MARCHF7: variants seen among roughly 807,000 people sequenced by gnomAD.
MARCHF7 encodes the protein E3 ubiquitin-protein ligase MARCHF7.
Under a neutral mutation model 76.5 loss-of-function variants are expected in MARCHF7, and 20 were observed. The observed-to-expected ratio is 0.26, with a 90% confidence interval of 0.18 to 0.38. MARCHF7 has a LOEUF of 0.38. Among genes scored for constraint, MARCHF7 ranks in the 10% least tolerant of loss-of-function variants. The probability of loss-of-function intolerance (pLI) is 1.00; values close to 1 mark genes in which losing one functional copy is unlikely to be tolerated. For missense variants in MARCHF7, 797 were observed against 812.9 expected (o/e 0.98, Z 0.24); for synonymous variants, 295 against 293.0 (o/e 1.01, Z -0.07).
intron 8 of MARCHF7, among the ~76,000 whole-genome samples, chr2:159,753,454 C>T (rs888007587): frequency 6.6e-6 from 1 of 151,788 alleles, no homozygotes. Context: ...GCCTGTAGTC[C>T]CAGCTAGAAT....
chr2:159,745,771 T>A lies in MARCHF7; in HGVS notation c.348T>A (p.Asp116Glu). The A allele has an allele frequency of 6.3e-7, 1 of 1,589,960 alleles. No individual in the cohort carries two copies. The highest frequency in any genetic ancestry group is 8.5e-7 in the Non-Finnish European group (1 of 1,171,490). ...NVGNGLNTLSDSSWRHSQVPR... is the reference protein window; with the variant it reads ...NVGNGLNTLSESSWRHSQVPR... The stretch of plus-strand genomic sequence containing the variant: ...TAAAACTTCTTCATTTATTTTAAGA[T>A]TCATCTTGGAGGCATAGTCAAGTTC... The change falls in exon 6 of 12, where the codon GAT becomes GAA. Residue 116 changes from aspartate (D) to glutamate (E), a missense_variant and splice_region_variant. This residue lies in a region of MARCHF7 where 643 missense variants were observed against 631.5 expected (regional missense o/e 1.02). Coordinates refer to ENST00000409175, the MANE Select transcript of MARCHF7 (RefSeq NM_001282805.2).
intron 4 of MARCHF7, chr2:159,732,728 T>G: frequency 4.3e-6 from 2 of 464,440 alleles, no homozygotes; most frequent in Middle Eastern, 2.2e-3. Flanking sequence ...GATGGGGTCT[T>G]GCTGTGTTGC....
chr2:159,770,517 C>T lies in MARCHF7; in HGVS notation c.*3175C>T, dbSNP rs540411423. ...CAAGCTAGTGAGATAGTATATCTAT[C>T]TATCTCCCCAGAAGAAAGTAAGATA... On this transcript the variant is annotated 3_prime_UTR_variant, in exon 12 of 12. Coordinates refer to ENST00000409175, the MANE Select transcript of MARCHF7 (RefSeq NM_001282805.2). The T allele has an allele frequency of 6.6e-6, 1 of 152,268 alleles. No homozygotes were observed. The highest frequency in any genetic ancestry group is 2.1e-4 in the South Asian group (1 of 4,820). 9.4% of individuals were successfully genotyped at this position (152,268 alleles called of 1,614,324 possible).
chr2:159,761,635 C>T (rs1180382909), intron 9 of MARCHF7, among the ~76,000 whole-genome samples: 2 of 151,788 alleles, frequency 1.3e-5, no homozygotes, highest in African/African-American at 2.4e-5. Context: ...TGTTCTTGAA[C>T]TCCTGACCTC....
chr2:159,757,117 A>G (rs1328839888), intron 8 of MARCHF7, among the ~76,000 whole-genome samples: 1 of 151,910 alleles, frequency 6.6e-6, no homozygotes, highest in African/African-American at 2.4e-5. Context: ...CTGATCTCGA[A>G]CTCCTTGCCT....
intron 2 of MARCHF7, among the ~76,000 whole-genome samples, chr2:159,715,355 A>C (rs755447302): frequency 6.8e-6 from 1 of 146,812 alleles, no homozygotes; most frequent in Non-Finnish European, 1.5e-5. Context: ...TTGAGAGTTT[A>C]GGTGGGGGGG....
At chr2:159,759,697 AT>A (rs536119902) in intron 9 of MARCHF7, among the ~76,000 whole-genome samples, 67 of 152,232 alleles carry the variant, frequency 4.4e-4, no homozygotes, top group African/African-American at 1.5e-3. Flanking sequence ...ATTTAAGGAG[AT>A]TACAAGGGTG....
At chr2:159,716,286 G>A (rs1032793569) in intron 3 of MARCHF7, among the ~76,000 whole-genome samples, 4 of 151,554 alleles carry the variant, frequency 2.6e-5, no homozygotes, top group Admixed American at 2.6e-4. Flanking sequence ...TTAAGAAAAG[G>A]ATATGCAAAG....
chr2:159,770,195 C>A lies in MARCHF7; in HGVS notation c.*2853C>A, dbSNP rs1560037309. 2 of 152,026 alleles carry A rather than the reference C, an allele frequency of 1.3e-5. No homozygotes were observed. Among genetic ancestry groups the A allele is most frequent in the Non-Finnish European group, 2.9e-5 (2 of 68,026 alleles). The allele number at this position is 152,026 out of a possible 1,614,324, so 9.4% of individuals were successfully genotyped here. The stretch of plus-strand genomic sequence containing the variant: ...TGGGTAGGAAAACCAGGCAGGAATT[C>A]CAGGGTAGTGTTCAATATTGACATT... On this transcript the variant is annotated 3_prime_UTR_variant, in exon 12 of 12. Coordinates refer to ENST00000409175, the MANE Select transcript of MARCHF7 (RefSeq NM_001282805.2).
rs777182430 is a variant in MARCHF7 at position 159,747,812 on chromosome 2, A to G, written c.522A>G (p.Gln174=). 1.9e-6 allele frequency: 3 copies of G among 1,574,364 alleles called. No homozygotes were observed. The highest frequency in any genetic ancestry group is 1.7e-4 in the Middle Eastern group (1 of 5,832). Residue 174 remains glutamine (Q), a synonymous_variant, in exon 7 of 12, where the codon CAA becomes CAG. Coordinates refer to ENST00000409175, the MANE Select transcript of MARCHF7 (RefSeq NM_001282805.2). ...SGDFTTSSYV[Q]DRVPSYSQGA... is the part of the protein sequence containing the mutation. ...TCTTCCTTTCAAAAATAGATGTTCA[A>G]GACAGAGTTCCTTCATATTCACAAG...
rs545901583 is a variant in MARCHF7, at chr2:159,767,961, A to G, written c.*619A>G. 6.5e-6 allele frequency: 1 copy of G among 152,704 alleles called. No homozygotes were observed. The highest frequency in any genetic ancestry group is 2.1e-4 in the South Asian group (1 of 4,832). 9.5% of individuals were successfully genotyped at this position (152,704 alleles called of 1,614,324 possible). Reference sequence around the variant, plus strand: ...TAAAAAGTATATAAATATAAAATGTATAAATGATGGATAGATTTTTGTATT... The same window carrying G: ...TAAAAAGTATATAAATATAAAATGTGTAAATGATGGATAGATTTTTGTATT... On this transcript the variant is annotated 3_prime_UTR_variant, in exon 12 of 12. Transcript: ENST00000409175.
chr2:159,756,524 T>C (rs577899311), intron 8 of MARCHF7, among the ~76,000 whole-genome samples: 21 of 151,748 alleles, frequency 1.4e-4, no homozygotes, highest in Non-Finnish European at 2.9e-4. Flanking sequence ...CCGTCTCTAC[T>C]GAAAATACAG....
chr2:159,748,474 C>G lies in MARCHF7; in HGVS notation c.1184C>G (p.Thr395Arg). Residue 395 changes from threonine (T) to arginine (R), a missense_variant, in exon 7 of 12, where the codon ACA (threonine) becomes AGA (arginine). This residue lies in a region of MARCHF7 where 643 missense variants were observed against 631.5 expected (regional missense o/e 1.02). Coordinates refer to ENST00000409175, the MANE Select transcript of MARCHF7 (RefSeq NM_001282805.2). ...WLSSSLRNRC[T>R]PLFSRRRREG... ...TCTTCCTCACTTAGAAATAGATGCA[C>G]ACCTTTGTTCTCTAGAAGGAGGCGA... 6.2e-7 allele frequency: 1 copy of G among 1,614,016 alleles called. No individual in the cohort carries two copies. Among genetic ancestry groups the G allele is most frequent in the Middle Eastern group, 1.6e-4 (1 of 6,062 alleles).
Position 159,759,226 on chromosome 2 carries a change from G to A in MARCHF7, c.1784G>A (p.Gly595Asp), listed in dbSNP as rs768767231. 1 of 1,552,964 alleles carries A rather than the reference G, an allele frequency of 6.4e-7. No homozygotes were observed. Among genetic ancestry groups the A allele is most frequent in the Admixed American group, 1.8e-5 (1 of 54,154 alleles). The change falls in exon 9 of 12, where the codon GGT becomes GAT. Residue 595 changes from glycine (G) to aspartate (D), a missense_variant and splice_region_variant. By Grantham distance (94) the Gly-to-Asp change is moderately conservative (BLOSUM62 -1). Transcript: ENST00000409175. ...TTATTTGTAATTTAATTTTTACCAG[G>A]TTCTTCATTAGAAGCTGTAACCACC... ...KKWLQAKINSGSSLEAVTTCE... is the reference protein window; with the variant it reads ...KKWLQAKINSDSSLEAVTTCE...
chr2:159,718,462 C>T (rs1274956055), intron 3 of MARCHF7, among the ~76,000 whole-genome samples: 3 of 152,048 alleles, frequency 2.0e-5, no homozygotes, highest in African/African-American at 4.8e-5. Flanking sequence ...TTTATGACTA[C>T]TGTGTGACTC....
chr2:159,747,593 T>C lies in MARCHF7; in HGVS notation c.515-212T>C, dbSNP rs1574366197. The stretch of plus-strand genomic sequence containing the variant: ...ACATTTCTTTTTTATATATTTGTAA[T>C]GTTGACTTTACACAGCAGTACTGGA... On this transcript the variant is annotated intron_variant, in intron 6 of 11. Coordinates refer to ENST00000409175, the MANE Select transcript of MARCHF7 (RefSeq NM_001282805.2). 2.0e-5 allele frequency among the ~76,000 whole-genome samples: 3 copies of C among 152,228 alleles called. No individual in the cohort carries two copies. The East Asian group carries it at 5.8e-4, about 29-fold the overall frequency.
intron 1 of MARCHF7, among the ~76,000 whole-genome samples, chr2:159,714,245 C>T (rs1008923652): frequency 6.6e-6 from 1 of 152,178 alleles, no homozygotes. Context: ...TGTCAAATAT[C>T]TTAAAACTTT....
chr2:159,744,010 C>T lies in MARCHF7; in HGVS notation c.346+757C>T, dbSNP rs1210762325. ...TTTTTTTTTTTTTTTTTTTTGGAGA[C>T]GGAGTCTCGCTCTGTCGCCCAGGCT... On this transcript the variant is annotated intron_variant, in intron 5 of 11. Coordinates refer to ENST00000409175, the MANE Select transcript of MARCHF7 (RefSeq NM_001282805.2). Among the ~76,000 whole-genome samples, 12 of 61,492 alleles carry T rather than the reference C, an allele frequency of 2.0e-4. No homozygotes were observed. The Admixed American group carries it at 2.8e-3, about 14-fold the overall frequency. The allele number at this position is 61,492 out of a possible 152,430, so 40.3% of individuals were successfully genotyped here.
At chr2:159,740,803 C>T (rs894495165) in intron 4 of MARCHF7, among the ~76,000 whole-genome samples, 7 of 152,204 alleles carry the variant, frequency 4.6e-5, no homozygotes, top group African/African-American at 1.4e-4. Flanking sequence ...CTCACACCTT[C>T]TACTTTATTT....
Sources: gnomAD v4.1 joint callset for allele counts (sites outside exome capture counted in the v4.1 genomes callset) on GRCh38, gnomAD v4.1.1 for gene constraint, gnomAD v4.1.1 regional missense constraint, MANE v1.5 for transcripts, NCBI Gene and HGNC (gene_info 2026-07-23, HGNC 2026-07-21) for gene names.